KCNQ5: variants seen among roughly 807,000 people sequenced by gnomAD.
KCNQ5 encodes the protein potassium voltage-gated channel subfamily KQT member 5.
KCNQ5 carries 30 observed loss-of-function variants against 98.2 expected under a neutral mutation model. The ratio of observed to expected loss-of-function variants is 0.31; its 90% CI spans 0.23 to 0.41. The LOEUF is 0.41. Among genes scored for constraint, KCNQ5 ranks in the 10% least tolerant of loss-of-function variants. The probability of loss-of-function intolerance (pLI) is 1.00; values close to 1 mark genes in which losing one functional copy is unlikely to be tolerated. For synonymous variants in KCNQ5, 458 were observed against 449.4 expected (o/e 1.02, Z -0.24); for missense variants, 835 against 1,182.5 (o/e 0.71, Z 4.31).
chr6:72,706,666 A>C (rs1015983331), intron 1 of KCNQ5, among the ~76,000 whole-genome samples: 1 of 152,162 alleles, frequency 6.6e-6, no homozygotes, highest in African/African-American at 2.4e-5. Flanking sequence ...AGCAACCTAA[A>C]CTGATGTCAT....
intron 1 of KCNQ5, among the ~76,000 whole-genome samples, chr6:72,668,501 TAGA>T (rs1391345877): frequency 6.6e-6 from 1 of 152,048 alleles, no homozygotes; most frequent in Non-Finnish European, 1.5e-5. Flanking sequence ...GTGGTAGATT[TAGA>T]AAAGTTTTTT....
intron 2 of KCNQ5, among the ~76,000 whole-genome samples, chr6:73,024,068 TG>T (rs1445531723): frequency 6.6e-6 from 1 of 152,208 alleles, no homozygotes; most frequent in East Asian, 1.9e-4. Context: ...CAATAATTAC[TG>T]GGCCAATCAT....
intron 1 of KCNQ5, among the ~76,000 whole-genome samples, chr6:72,757,383 GT>G (rs1772025484): frequency 6.6e-6 from 1 of 152,124 alleles, no homozygotes; most frequent in African/African-American, 2.4e-5. Flanking sequence ...TTATGATGGG[GT>G]TATGTCCAGA....
chr6:72,717,910 C>T (rs993810713), intron 1 of KCNQ5, among the ~76,000 whole-genome samples: 5 of 152,246 alleles, frequency 3.3e-5, no homozygotes, highest in South Asian at 2.1e-4. Flanking sequence ...TCAGCTTTTA[C>T]GGTACAGTAC....
intron 1 of KCNQ5, among the ~76,000 whole-genome samples, chr6:72,860,855 ATGTGTGTG>A (rs10644054): frequency 1.4e-5 from 2 of 147,710 alleles, no homozygotes; most frequent in Non-Finnish European, 3.0e-5. Flanking sequence ...GTGTGTGTGT[ATGTGTGTG>A]TGTGTGTGTG....
intron 1 of KCNQ5, among the ~76,000 whole-genome samples, chr6:72,742,337 T>G (rs1168466118): frequency 6.6e-6 from 1 of 152,224 alleles, no homozygotes; most frequent in Non-Finnish European, 1.5e-5. Context: ...AATAGATGCT[T>G]TTGTAATGCA....
intron 1 of KCNQ5, among the ~76,000 whole-genome samples, chr6:72,629,662 TG>T (rs1030361689): frequency 7.9e-5 from 12 of 152,234 alleles, no homozygotes; most frequent in Non-Finnish European, 1.2e-4. Context: ...TTTTGGCAGA[TG>T]AAAATGCCAG....
At chr6:72,928,666 CATAG>C (rs1765547970) in intron 1 of KCNQ5, among the ~76,000 whole-genome samples, 1 of 151,816 alleles carries the variant, frequency 6.6e-6, no homozygotes, top group African/African-American at 2.4e-5. Context: ...TAGCTAGCTA[CATAG>C]ATAGATAGAA....
At chr6:73,127,642 G>A (rs1215765783) in intron 9 of KCNQ5, among the ~76,000 whole-genome samples, 1 of 152,180 alleles carries the variant, frequency 6.6e-6, no homozygotes, top group Non-Finnish European at 1.5e-5. Context: ...GCTTTGGAAT[G>A]TTCTTGTTAA....
intron 1 of KCNQ5, among the ~76,000 whole-genome samples, chr6:72,842,096 C>T (rs998008418): frequency 6.6e-6 from 1 of 152,118 alleles, no homozygotes; most frequent in South Asian, 2.1e-4. Context: ...ACACACATCA[C>T]GAAGCAAGGG....
chr6:72,810,456 A>C (rs559171771), intron 1 of KCNQ5, among the ~76,000 whole-genome samples: 2 of 152,332 alleles, frequency 1.3e-5, no homozygotes, highest in South Asian at 4.1e-4. Context: ...GGATTGGAGA[A>C]CCAGGATTTC....
chr6:73,192,756 C>A, intron 13 of KCNQ5, 65 bp downstream of exon 13: 6 of 1,295,522 alleles, frequency 4.6e-6, no homozygotes, highest in South Asian at 3.5e-5. Flanking sequence ...TTATTATAGG[C>A]AATTGTATGT....
chr6:72,914,355 T>A (rs1006862854), intron 1 of KCNQ5, among the ~76,000 whole-genome samples: 5 of 151,958 alleles, frequency 3.3e-5, no homozygotes, highest in African/African-American at 1.2e-4. Context: ...CATGGGCTTA[T>A]TTTCTTGGTG....
At chr6:72,658,811 CTCAGGT>C (rs1766354800) in intron 1 of KCNQ5, among the ~76,000 whole-genome samples, 1 of 151,978 alleles carries the variant, frequency 6.6e-6, no homozygotes, top group South Asian at 2.1e-4. Context: ...AACTCCTGAA[CTCAGGT>C]AATCCACCTG....
intron 1 of KCNQ5, among the ~76,000 whole-genome samples, chr6:72,671,962 ACCCGCCACCACG>A (rs1767134520): frequency 6.6e-6 from 1 of 151,270 alleles, no homozygotes; most frequent in Admixed American, 6.6e-5. Context: ...GACTACAGGC[ACCCGCCACCACG>A]CCTGGCTAAT....
At chr6:72,861,053 G>T (rs141965600) in intron 1 of KCNQ5, among the ~76,000 whole-genome samples, 23 of 152,172 alleles carry the variant, frequency 1.5e-4, no homozygotes, top group African/African-American at 5.5e-4. Context: ...TATTTTTTAA[G>T]ATAGCAATGT....
intron 11 of KCNQ5, among the ~76,000 whole-genome samples, chr6:73,178,450 G>T (rs998238567): frequency 2.7e-5 from 4 of 148,540 alleles, no homozygotes; most frequent in African/African-American, 5.0e-5. Context: ...CAAAAACTCT[G>T]CAGGAGAGCC....
chr6:72,780,950 T>C (rs1345706798), intron 1 of KCNQ5, among the ~76,000 whole-genome samples: 7 of 152,200 alleles, frequency 4.6e-5, no homozygotes, highest in Non-Finnish European at 8.8e-5. Context: ...TTCTTTCCAC[T>C]GTTTTCTTAT....
chr6:72,841,069 T>C (rs1337057061), intron 1 of KCNQ5, among the ~76,000 whole-genome samples: 1 of 152,188 alleles, frequency 6.6e-6, no homozygotes, highest in East Asian at 1.9e-4. Context: ...CAATACGTAA[T>C]ATAGAATTGC....
Sources: allele counts gnomAD v4.1 joint callset (sites outside exome capture counted in the v4.1 genomes callset), GRCh38; gene constraint gnomAD v4.1.1; transcripts MANE v1.5; gene names NCBI Gene and HGNC (gene_info 2026-07-23, HGNC 2026-07-21).